Variants in SNX9 observed in about 807,000 individuals in gnomAD.
SNX9 encodes the protein sorting nexin 9.
In SNX9, 44 loss-of-function variants were observed where a neutral mutation model predicts 89.4. That is an observed-to-expected ratio of 0.49 (90% CI 0.39 to 0.63). The LOEUF (loss-of-function observed/expected upper bound fraction) is 0.63, where lower values mean the gene tolerates loss of function less well. SNX9 is among the 30% of genes least tolerant of loss of function. The pLI is 0.00. For missense variants in SNX9, 578 were observed against 736.1 expected, an observed-to-expected ratio of 0.79 and a Z score of 2.49; for synonymous variants, 236 against 247.8, an observed-to-expected ratio of 0.95 and a Z score of 0.45.
chr6:157,851,278 TAAATA>T (rs1781905697), intron 1 of SNX9, among the ~76,000 whole-genome samples: 1 of 147,416 alleles, frequency 6.8e-6, no homozygotes, highest in African/African-American at 2.5e-5. Flanking sequence ...AACCCTAAAA[TAAATA>T]AATATAAATA....
chr6:157,915,654 TATAC>T (rs1397797272), intron 9 of SNX9, among the ~76,000 whole-genome samples: 11 of 122,616 alleles, frequency 9.0e-5, no homozygotes, highest in East Asian at 6.5e-4. Flanking sequence ...TATATATATA[TATAC>T]ACACACACAC....
At chr6:157,861,217 A>G (rs768224444) in intron 1 of SNX9, among the ~76,000 whole-genome samples, 6 of 152,212 alleles carry the variant, frequency 3.9e-5, no homozygotes, top group East Asian at 1.9e-4. Flanking sequence ...AAAATGTTCT[A>G]TCATCTTGAC....
chr6:157,857,317 T>C (rs1782031978), intron 1 of SNX9, among the ~76,000 whole-genome samples: 1 of 152,182 alleles, frequency 6.6e-6, no homozygotes, highest in Non-Finnish European at 1.5e-5. Flanking sequence ...TCCAGGCCCA[T>C]CTTGTATGTT....
At chr6:157,939,734 G>C (rs1783996718) in intron 16 of SNX9, among the ~76,000 whole-genome samples, 1 of 152,230 alleles carries the variant, frequency 6.6e-6, no homozygotes, top group South Asian at 2.1e-4. Flanking sequence ...GGTTTGAAAT[G>C]GGGAGTTTGG....
intron 4 of SNX9, among the ~76,000 whole-genome samples, chr6:157,892,467 C>T (rs79607439): frequency 0.025 from 3,809 of 151,026 alleles, 112 homozygotes; most frequent in African/African-American, 0.069. Flanking sequence ...ATAAAGAGAG[C>T]GTTCCAGGAA....
At chr6:157,918,099 G>T (rs558827152) in intron 9 of SNX9, among the ~76,000 whole-genome samples, 11 of 152,228 alleles carry the variant, frequency 7.2e-5, no homozygotes, top group African/African-American at 2.6e-4. Context: ...TAGCAGCTGG[G>T]TGGAGTGTTT....
chr6:157,851,800 G>A (rs1781919258), intron 1 of SNX9, among the ~76,000 whole-genome samples: 1 of 152,086 alleles, frequency 6.6e-6, no homozygotes, highest in Admixed American at 6.6e-5. Flanking sequence ...TGTTGGCCAA[G>A]CTGGTCTTGA....
intron 1 of SNX9, among the ~76,000 whole-genome samples, chr6:157,856,340 T>A (rs1583201732): frequency 6.6e-6 from 1 of 152,336 alleles, no homozygotes; most frequent in Non-Finnish European, 1.5e-5. Flanking sequence ...AACCAGCTCA[T>A]AGCCTTATTT....
intron 4 of SNX9, among the ~76,000 whole-genome samples, chr6:157,881,517 G>C (rs934105234): frequency 6.6e-6 from 1 of 152,194 alleles, no homozygotes; most frequent in African/African-American, 2.4e-5. Context: ...AGTGAGGAAG[G>C]CTTGTCAAAA....
chr6:157,829,942 C>T (rs1583187693), intron 1 of SNX9, among the ~76,000 whole-genome samples: 1 of 152,236 alleles, frequency 6.6e-6, no homozygotes, highest in East Asian at 1.9e-4. Flanking sequence ...TGTTATAAGT[C>T]TCTTTTTTCC....
rs1781569604 is a variant in SNX9 at position 157,835,704 on chromosome 6, C to CA, written c.12+12259dup. 2.0e-5 allele frequency among the ~76,000 whole-genome samples: 3 copies of CA among 152,130 alleles called. No individual in the cohort carries two copies. In the South Asian group the frequency reaches 6.2e-4, roughly 32 times the overall value. On this transcript the variant is annotated intron_variant, in intron 1 of 17. Coordinates refer to ENST00000392185, the MANE Select transcript of SNX9 (RefSeq NM_016224.5). The stretch of plus-strand genomic sequence containing the variant: ...CTGATGGTTTTATAAGGGGTTCTTC[C>CA]ACCTTCACTCAGTACTTCTCCTTCC...
In SNX9 at chr6:157,927,138, G is replaced by A. The variant is rs373994572; in HGVS notation, c.1108G>A (p.Glu370Lys). The change falls in exon 11 of 18, where the codon GAG becomes AAG. Residue 370 changes from glutamate to lysine, a missense_variant. Physicochemically the swap from Glu to Lys is moderately conservative, Grantham distance 56 (BLOSUM62 1). Around this residue, in one of 2 missense-constraint regions of SNX9, gnomAD observed 348 missense variants for 491.4 expected, o/e 0.71. Transcript: ENST00000392185. ...ATGGAAAACTGGAAAGAGGAAGGCCGAGAGAGATGAGCTGGCGGGAGTCAT... is the reference window on the plus strand; with the variant it reads ...ATGGAAAACTGGAAAGAGGAAGGCCAAGAGAGATGAGCTGGCGGGAGTCAT... The part of the protein sequence containing the change: ...KEWKTGKRKA[E>K]RDELAGVMIF... The A allele has an allele frequency of 1.1e-5, 18 of 1,613,936 alleles. No homozygotes were observed. Among genetic ancestry groups the A allele is most frequent in the Admixed American group, 1.7e-5 (1 of 60,006 alleles).
intron 1 of SNX9, among the ~76,000 whole-genome samples, chr6:157,860,826 G>C (rs1398469968): frequency 6.6e-6 from 1 of 152,184 alleles, no homozygotes; most frequent in Non-Finnish European, 1.5e-5. Flanking sequence ...TAAGTACTCA[G>C]AACTCTGCTC....
chr6:157,937,371 TTC>T, intron 14 of SNX9, 61 bp from the exon 15 acceptor site: 2 of 1,157,794 alleles, frequency 1.7e-6, no homozygotes, highest in Non-Finnish European at 2.6e-6. Flanking sequence ...GGTATAATAG[TTC>T]TCTTTTCCTT....
intron 9 of SNX9, among the ~76,000 whole-genome samples, chr6:157,915,255 A>G (rs1052670597): frequency 6.6e-6 from 1 of 152,092 alleles, no homozygotes; most frequent in African/African-American, 2.4e-5. Flanking sequence ...TTCCTTTACA[A>G]AATTGTTTTG....
chr6:157,910,082 A>G, intron 9 of SNX9, 57 bp downstream of exon 9: 2 of 1,358,982 alleles, frequency 1.5e-6, no homozygotes, highest in Non-Finnish European at 2.1e-6. Context: ...CAGTCAGATT[A>G]TCTTCCTGTA....
chr6:157,913,100 A>G (rs1783383786), intron 9 of SNX9, among the ~76,000 whole-genome samples: 1 of 152,246 alleles, frequency 6.6e-6, no homozygotes, highest in African/African-American at 2.4e-5. Flanking sequence ...TCCCAGGTCC[A>G]GACTGGCTTT....
chr6:157,860,573 T>G (rs1295377279), intron 1 of SNX9, among the ~76,000 whole-genome samples: 2 of 152,208 alleles, frequency 1.3e-5, no homozygotes, highest in Non-Finnish European at 2.9e-5. Context: ...CCACATCAAA[T>G]CACTGTTAAG....
At chr6:157,927,079 C>T (rs1783708765) in intron 10 of SNX9, 32 bp from the exon 11 acceptor site, 3 of 1,547,320 alleles carry the variant, frequency 1.9e-6, no homozygotes, top group Non-Finnish European at 2.7e-6. Context: ...ACTGTGCTCT[C>T]CACTTGAACC....
Sources: allele counts gnomAD v4.1 joint callset (sites outside exome capture counted in the v4.1 genomes callset), GRCh38; gene constraint gnomAD v4.1.1; regional missense constraint gnomAD v4.1.1; transcripts MANE v1.5; gene names NCBI Gene and HGNC (gene_info 2026-07-23, HGNC 2026-07-21).